Variants in MAMLD1 observed in about 807,000 individuals in gnomAD.
The protein encoded by MAMLD1 is mastermind like domain containing 1.
MAMLD1 carries 14 observed loss-of-function variants against 45.0 expected under a neutral mutation model. The ratio of observed to expected loss-of-function variants is 0.31; its 90% confidence interval spans 0.21 to 0.49. MAMLD1 has a LOEUF of 0.49. MAMLD1 is among the 20% of genes least tolerant of loss of function. MAMLD1 has a pLI of 0.99. For missense variants in MAMLD1, 543 were observed against 603.6 expected, an observed-to-expected ratio of 0.90 and a Z score of 1.05; for synonymous variants, 254 against 247.8, an observed-to-expected ratio of 1.02 and a Z score of -0.24.
intron 1 of MAMLD1, among the ~76,000 whole-genome samples, chrX:150,441,039 A>G (rs1462349398): frequency 2.9e-5 from 3 of 104,914 alleles, no homozygotes; most frequent in Non-Finnish European, 3.9e-5. Flanking sequence ...AATTAATAAT[A>G]ATAAAAATAT....
intron 1 of MAMLD1, among the ~76,000 whole-genome samples, chrX:150,426,872 A>G (rs1429628239): frequency 8.9e-6 from 1 of 112,002 alleles, no homozygotes; most frequent in Non-Finnish European, 1.9e-5. Flanking sequence ...TTTATCCCCA[A>G]TGTATTAGTT....
At chrX:150,504,392 C>T (rs1438526197) in intron 6 of MAMLD1, 3 of 752,583 alleles carry the variant, frequency 4.0e-6, no homozygotes, top group African/African-American at 4.6e-5. Context: ...GGATTCTGGC[C>T]TTTAATGGAA....
chrX:150,364,920 C>T (rs2031288352), intron 1 of MAMLD1, among the ~76,000 whole-genome samples: 1 of 112,303 alleles, frequency 8.9e-6, no homozygotes, highest in Non-Finnish European at 1.9e-5. Flanking sequence ...CGAGCGACAT[C>T]GCAGCGGCGC....
At chrX:150,439,213 A>C (rs1473901589) in intron 1 of MAMLD1, among the ~76,000 whole-genome samples, 17 of 111,589 alleles carry the variant, frequency 1.5e-4, no homozygotes, top group African/African-American at 5.5e-4. Flanking sequence ...GTTGCATTTT[A>C]GGTGTTATGT....
At chrX:150,442,006 T>C (rs1347163415) in intron 1 of MAMLD1, among the ~76,000 whole-genome samples, 1 of 111,605 alleles carries the variant, frequency 9.0e-6, no homozygotes, top group Non-Finnish European at 1.9e-5. Context: ...TGTTGGTGGA[T>C]TGACACTTTC....
Position 150,470,047 on chromosome X carries a change from C to T in MAMLD1, c.474C>T (p.Pro158=). The change falls in exon 4 of 8, where the codon CCC becomes CCT. Residue 158 remains proline (P), a synonymous_variant. Coordinates refer to ENST00000370401, the MANE Select transcript of MAMLD1 (RefSeq NM_005491.5). ...PQTTEVGLKG[P]TVPYYEKINS... is the part of the protein sequence containing the mutation. ...CTACAGAAGTGGGACTGAAAGGGCC[C>T]ACTGTTCCTTACTATGAGAAAATCA... 1 of 1,211,813 alleles carries T rather than the reference C, an allele frequency of 8.3e-7. No homozygotes were observed. The highest frequency in any genetic ancestry group is 1.1e-6 in the Non-Finnish European group (1 of 895,499).
intron 1 of MAMLD1, among the ~76,000 whole-genome samples, chrX:150,427,810 A>G (rs141789618): frequency 0.014 from 1,551 of 111,504 alleles, 23 homozygotes; most frequent in African/African-American, 0.048. Context: ...GACACCTTTG[A>G]GCTTCTAAAG....
intron 2 of MAMLD1, among the ~76,000 whole-genome samples, chrX:150,455,714 C>T (rs2035835392): frequency 9.0e-6 from 1 of 110,977 alleles, no homozygotes; most frequent in African/African-American, 3.3e-5. Flanking sequence ...GCCCTCTAAT[C>T]ACCCTACACT....
chrX:150,429,069 A>C (rs1226586264), intron 1 of MAMLD1, among the ~76,000 whole-genome samples: 4 of 111,560 alleles, frequency 3.6e-5, no homozygotes, highest in Non-Finnish European at 7.5e-5. Context: ...CTGAGCTTCC[A>C]TCCTCCAGAG....
At chrX:150,435,103 G>T (rs2035078467) in intron 1 of MAMLD1, among the ~76,000 whole-genome samples, 1 of 112,000 alleles carries the variant, frequency 8.9e-6, no homozygotes, top group Non-Finnish European at 1.9e-5. Context: ...TGTGTTGGGT[G>T]CATATGTATT....
rs1174092962 is a variant in MAMLD1, at chrX:150,430,019, C to CTTTTTTTTTTTTTTTTTTTTTTTTTTT, written c.-63-15411_-63-15410insTTTTTTTTTTTTTTTTTTTTTTTTTTT. Among the ~76,000 whole-genome samples, 70 of 49,218 alleles carry CTTTTTTTTTTTTTTTTTTTTTTTTTTT rather than the reference C, an allele frequency of 1.4e-3. 1 individual carries two copies. The highest frequency in any genetic ancestry group is 1.5e-3 in the Non-Finnish European group (45 of 30,031). The allele number at this position is 49,218 out of a possible 115,157, so 42.7% of individuals were successfully genotyped here. The stretch of plus-strand genomic sequence containing the variant: ...CCATTTTCTTTTCTTTCTTTCTTTT[C>CTTTTTTTTTTTTTTTTTTTTTTTTTTT]TTTTTTTTTTTTTTTTTTTTTTTTG... On this transcript the variant is annotated intron_variant, in intron 1 of 7. Transcript: ENST00000370401.
At chrX:150,382,119 A>C (rs1241941197) in intron 1 of MAMLD1, among the ~76,000 whole-genome samples, 1 of 111,324 alleles carries the variant, frequency 9.0e-6, no homozygotes, top group East Asian at 2.8e-4. Flanking sequence ...TGATGGTTAC[A>C]CATTTAAGGC....
chrX:150,414,875 C>T (rs2124539906), intron 1 of MAMLD1, among the ~76,000 whole-genome samples: 1 of 111,887 alleles, frequency 8.9e-6, no homozygotes, highest in Admixed American at 9.5e-5. Flanking sequence ...GAAGGTGCTG[C>T]TTTTTGACAA....
At chrX:150,438,984 T>C (rs2035209426) in intron 1 of MAMLD1, among the ~76,000 whole-genome samples, 1 of 112,223 alleles carries the variant, frequency 8.9e-6, no homozygotes, top group Non-Finnish European at 1.9e-5. Flanking sequence ...AGGGTTCCAA[T>C]TTCTTCACCT....
intron 1 of MAMLD1, among the ~76,000 whole-genome samples, chrX:150,393,970 C>T (rs928065197): frequency 9.1e-6 from 1 of 109,868 alleles, no homozygotes; most frequent in Admixed American, 9.7e-5. Flanking sequence ...ATGGTTTGTG[C>T]CGTTAGTGTT....
At chrX:150,509,574 CCTT>C (rs1481549992) in intron 6 of MAMLD1, 33 of 196,107 alleles carry the variant, frequency 1.7e-4, no homozygotes, top group Non-Finnish European at 2.9e-4. Context: ...TCACCTCCCT[CCTT>C]CTACATACTC....
At chrX:150,398,311 GAA>G (rs1569564572) in intron 1 of MAMLD1, among the ~76,000 whole-genome samples, 5 of 99,537 alleles carry the variant, frequency 5.0e-5, no homozygotes, top group Non-Finnish European at 1.0e-4. Context: ...AGAAGAAGAA[GAA>G]GAAGAAGAAG....
intron 1 of MAMLD1, among the ~76,000 whole-genome samples, chrX:150,420,315 T>G (rs1188390286): frequency 2.4e-5 from 2 of 82,336 alleles, no homozygotes; most frequent in Non-Finnish European, 4.7e-5. Context: ...CTTCTCTGTA[T>G]TGGTTATTCT....
intron 1 of MAMLD1, among the ~76,000 whole-genome samples, chrX:150,420,630 T>C (rs189179008): frequency 8.1e-4 from 91 of 112,461 alleles, no homozygotes; most frequent in African/African-American, 1.7e-3. Flanking sequence ...GTGGATGTAC[T>C]TTCTGTTTGT....
Sources: gnomAD v4.1 joint callset for allele counts (sites outside exome capture counted in the v4.1 genomes callset) on GRCh38, gnomAD v4.1.1 for gene constraint, MANE v1.5 for transcripts, NCBI Gene and HGNC (gene_info 2026-07-23, HGNC 2026-07-21) for gene names.